Variants in ST3GAL3 observed in about 807,000 individuals in gnomAD.
The protein encoded by ST3GAL3 is ST3 beta-galactoside alpha-2,3-sialyltransferase 3.
In ST3GAL3, 21 loss-of-function variants were observed where a neutral mutation model predicts 50.1. The ratio of observed to expected loss-of-function variants is 0.42; its 90% confidence interval spans 0.30 to 0.60. ST3GAL3 has a LOEUF of 0.60. ST3GAL3 is among the 20% of genes least tolerant of loss of function. The pLI is 0.19. For synonymous variants in ST3GAL3, 183 were observed against 190.0 expected (o/e 0.96, Z 0.30); for missense variants, 353 against 489.4 (o/e 0.72, Z 2.63).
intron 1 of ST3GAL3, among the ~76,000 whole-genome samples, chr1:43,712,372 A>G (rs191862143): frequency 1.3e-5 from 2 of 152,164 alleles, no homozygotes; most frequent in African/African-American, 2.4e-5. Context: ...CACATTTTTC[A>G]TATTTTATGT....
intron 3 of ST3GAL3, among the ~76,000 whole-genome samples, chr1:43,809,863 C>T (rs2060329918): frequency 6.6e-6 from 1 of 151,728 alleles, no homozygotes; most frequent in Non-Finnish European, 1.5e-5. Context: ...CGTGGTGTTG[C>T]ATGCTTGTAA....
At chr1:43,785,962 CTGTCTCACTCA>C (rs2057274593) in intron 2 of ST3GAL3, among the ~76,000 whole-genome samples, 1 of 152,172 alleles carries the variant, frequency 6.6e-6, no homozygotes, top group South Asian at 2.1e-4. Flanking sequence ...TCTTCCCTTC[CTGTCTCACTCA>C]TGTCCCATCA....
chr1:43,917,543 T>C (rs59083733), intron 9 of ST3GAL3, among the ~76,000 whole-genome samples: 1,110 of 76,670 alleles, frequency 0.014, 11 homozygotes, highest in Middle Eastern at 0.026. Context: ...TAATATATTA[T>C]GTATTATATA....
intron 2 of ST3GAL3, among the ~76,000 whole-genome samples, chr1:43,790,779 G>A (rs761961018): frequency 6.6e-5 from 10 of 151,510 alleles, no homozygotes; most frequent in Non-Finnish European, 1.3e-4. Context: ...CTACAGGCAC[G>A]CGTACCACGC....
At chr1:43,802,529 A>G (rs542256157) in intron 3 of ST3GAL3, among the ~76,000 whole-genome samples, 143 of 152,314 alleles carry the variant, frequency 9.4e-4, no homozygotes, top group Non-Finnish European at 1.7e-3. Context: ...GCTACATTCA[A>G]TGCACATAAG....
rs1268820413 is a variant in ST3GAL3, at chr1:43,920,383, C to T, written c.745-21C>T. 4 of 1,613,974 alleles carry T rather than the reference C, an allele frequency of 2.5e-6. No homozygotes were observed. The African/African-American group carries it at 5.3e-5, about 22-fold the overall frequency. ...CCCTTGCTGTGTGCCTCGTTGAGGC[C>T]CGCTTTTGCTGTGTCCACAGAGTGC... On this transcript the variant is annotated intron_variant, in intron 9 of 11. Transcript: ENST00000347631.
intron 5 of ST3GAL3, among the ~76,000 whole-genome samples, chr1:43,859,874 C>G (rs1486869455): frequency 1.3e-5 from 2 of 152,206 alleles, no homozygotes; most frequent in Non-Finnish European, 2.9e-5. Flanking sequence ...CACCACATTC[C>G]CCGTCTCCAT....
chr1:43,904,275 C>T (rs1250535351), intron 9 of ST3GAL3, among the ~76,000 whole-genome samples: 1 of 152,068 alleles, frequency 6.6e-6, no homozygotes, highest in East Asian at 1.9e-4. Flanking sequence ...ATGATGTCCA[C>T]CTGCACCTTC....
chr1:43,915,737 A>G (rs2081669517), intron 9 of ST3GAL3, among the ~76,000 whole-genome samples: 1 of 152,186 alleles, frequency 6.6e-6, no homozygotes, highest in African/African-American at 2.4e-5. Flanking sequence ...GAAATGAGAG[A>G]CAGATGGGTT....
rs767429776 is a variant in ST3GAL3 at position 43,899,591 on chromosome 1, C to T, written c.608C>T (p.Thr203Met). Reference protein sequence around the residue: ...KGFEKDVGSKTTLRITYPEGA... With the variant: ...KGFEKDVGSKMTLRITYPEGA... ...TTTGAGAAGGACGTGGGCAGCAAAA[C>T]GACACTGCGCATCACCTACCCCGAG... Residue 203 changes from threonine to methionine, a missense_variant, in exon 9 of 12, where the codon ACG becomes ATG. Coordinates refer to ENST00000347631, the MANE Select transcript of ST3GAL3 (RefSeq NM_006279.5). This position sits in a 1 kb window ranked among gnomAD's most constrained non-coding sequence, Gnocchi z 5.4. 1.9e-6 allele frequency: 3 copies of T among 1,614,066 alleles called. No homozygotes were observed. Among genetic ancestry groups the T allele is most frequent in the South Asian group, 1.1e-5 (1 of 91,084 alleles).
intron 4 of ST3GAL3, among the ~76,000 whole-genome samples, chr1:43,828,964 A>G (rs2063179426): frequency 6.6e-6 from 1 of 152,218 alleles, no homozygotes; most frequent in African/African-American, 2.4e-5. Context: ...CCATACATGA[A>G]TATTTATAGC....
At chr1:43,901,396 A>G (rs2078249324) in intron 9 of ST3GAL3, among the ~76,000 whole-genome samples, 1 of 152,232 alleles carries the variant, frequency 6.6e-6, no homozygotes, top group South Asian at 2.1e-4. Context: ...ACAGACTGGG[A>G]AAAGCCAGGC....
At chr1:43,780,778 C>T (rs1320842171) in intron 2 of ST3GAL3, among the ~76,000 whole-genome samples, 1 of 152,044 alleles carries the variant, frequency 6.6e-6, no homozygotes, top group African/African-American at 2.4e-5. Flanking sequence ...TCACGAATAA[C>T]ATTTCTTCTC....
At chr1:43,917,817 T>C (rs6656224) in intron 9 of ST3GAL3, among the ~76,000 whole-genome samples, 142,100 of 146,336 alleles carry the variant, frequency 0.97, 69,141 homozygotes, top group East Asian at 1. Flanking sequence ...TACAGGTGTA[T>C]ACCACCACAC....
intron 5 of ST3GAL3, among the ~76,000 whole-genome samples, chr1:43,852,581 T>C (rs762142142): frequency 2.0e-5 from 3 of 152,250 alleles, no homozygotes; most frequent in Non-Finnish European, 4.4e-5. Context: ...GTATTGGTTT[T>C]GTGAGTGGAA....
intron 6 of ST3GAL3, among the ~76,000 whole-genome samples, 155 bp downstream of exon 6, chr1:43,894,632 T>A (rs1375432551): frequency 6.6e-6 from 1 of 151,592 alleles, no homozygotes; most frequent in African/African-American, 2.4e-5. Flanking sequence ...TTCCTTTTTT[T>A]GTTTGTTTGT....
intron 2 of ST3GAL3, among the ~76,000 whole-genome samples, chr1:43,779,066 C>T (rs1285831232): frequency 3.3e-5 from 5 of 151,998 alleles, no homozygotes; most frequent in African/African-American, 9.7e-5. Context: ...CTCAACCTCC[C>T]GAGTAGATGG....
At chr1:43,917,908 G>A (rs1409974050) in intron 9 of ST3GAL3, among the ~76,000 whole-genome samples, 2 of 149,942 alleles carry the variant, frequency 1.3e-5, no homozygotes, top group Non-Finnish European at 3.0e-5. Context: ...GACCTCCAGT[G>A]ATCTGCCCCT....
At chr1:43,850,720 C>T in intron 5 of ST3GAL3, 1 of 743,084 alleles carries the variant, frequency 1.3e-6, no homozygotes, top group South Asian at 1.4e-5. Context: ...TAGCCCAGCT[C>T]CGTCAGTGCC....
Sources: gnomAD v4.1 joint callset for allele counts (sites outside exome capture counted in the v4.1 genomes callset) on GRCh38, gnomAD v4.1.1 for gene constraint, Gnocchi (gnomAD v3.1) non-coding constraint, MANE v1.5 for transcripts, NCBI Gene and HGNC (gene_info 2026-07-23, HGNC 2026-07-21) for gene names.